OR2C1: variants seen among roughly 807,000 people sequenced by gnomAD.
The protein encoded by OR2C1 is olfactory receptor family 2 subfamily C member 1, also known as olfactory receptor 2C1.
For synonymous variants in OR2C1, 209 were observed against 167.3 expected, an observed-to-expected ratio of 1.25 and a Z score of -1.92; for missense variants, 468 against 388.3, an observed-to-expected ratio of 1.21 and a Z score of -1.73.
At chr16:3,350,213 G>A in the OR2C1 span, among the ~76,000 whole-genome samples, 2 of 150,940 alleles carry the variant, frequency 1.3e-5, no homozygotes, top group African/African-American at 4.9e-5. Flanking sequence ...CTGCCACCAC[G>A]CCCGGCTAAT....
the OR2C1 span, among the ~76,000 whole-genome samples, chr16:3,349,308 T>A: frequency 5.2e-4 from 79 of 152,302 alleles, no homozygotes; most frequent in African/African-American, 1.7e-3. Flanking sequence ...GGACAGCTTT[T>A]TCCTGTGTTC....
chr16:3,334,519 C>G, the OR2C1 span, among the ~76,000 whole-genome samples: 1 of 149,296 alleles, frequency 6.7e-6, no homozygotes, highest in African/African-American at 2.5e-5. Context: ...CTCAAGCAAT[C>G]TGCCCAACTC....
the OR2C1 span, among the ~76,000 whole-genome samples, chr16:3,341,593 A>G: frequency 1.3e-5 from 2 of 152,208 alleles, no homozygotes; most frequent in East Asian, 3.8e-4. Flanking sequence ...CTAAGATTCA[A>G]TCATTTTCTA....
At chr16:3,351,793 A>C (rs1262186645), upstream of OR2C1, among the ~76,000 whole-genome samples, 1 of 151,248 alleles carries the variant, frequency 6.6e-6, no homozygotes, top group East Asian at 1.9e-4. Context: ...CTTGAGAGCT[A>C]CTCCTGGGAT....
chr16:3,341,455 C>T, the OR2C1 span, among the ~76,000 whole-genome samples: 166 of 152,156 alleles, frequency 1.1e-3, 2 homozygotes, highest in African/African-American at 3.5e-3. Flanking sequence ...CCTAATTACC[C>T]TACATAAAAC....
chr16:3,347,770 A>G, the OR2C1 span, among the ~76,000 whole-genome samples: 6 of 151,918 alleles, frequency 3.9e-5, no homozygotes, highest in African/African-American at 1.5e-4. Context: ...ACATATGAAC[A>G]CACATGCACA....
the OR2C1 span, among the ~76,000 whole-genome samples, chr16:3,327,399 G>C: frequency 0.021 from 3,134 of 152,158 alleles, 46 homozygotes; most frequent in Middle Eastern, 0.068. Context: ...TTCCTACTCA[G>C]TGGAGGACCT....
upstream of OR2C1, among the ~76,000 whole-genome samples, chr16:3,353,904 T>A (rs1245386354): frequency 6.6e-6 from 1 of 152,106 alleles, no homozygotes; most frequent in Non-Finnish European, 1.5e-5. Flanking sequence ...GGATGGTGAT[T>A]GGCCCATTAT....
the OR2C1 span, among the ~76,000 whole-genome samples, chr16:3,328,581 A>C: frequency 1.3e-5 from 2 of 152,302 alleles, no homozygotes; most frequent in South Asian, 4.2e-4. Context: ...AGGACAATGT[A>C]AGCTTGGATA....
At chr16:3,344,729 A>T in the OR2C1 span, among the ~76,000 whole-genome samples, 4 of 5,282 alleles carry the variant, frequency 7.6e-4, no homozygotes, top group Non-Finnish European at 1.7e-3. Flanking sequence ...CTCTGTCTCA[A>T]AAAAAAAATT....
the OR2C1 span, among the ~76,000 whole-genome samples, chr16:3,337,886 G>C: frequency 6.6e-6 from 1 of 152,146 alleles, no homozygotes; most frequent in African/African-American, 2.4e-5. Context: ...GATTTTCATT[G>C]AATGTGTTTT....
upstream of OR2C1, among the ~76,000 whole-genome samples, chr16:3,351,220 C>CTT (rs779814781): frequency 0.016 from 302 of 18,494 alleles, 6 homozygotes; most frequent in African/African-American, 0.059. Context: ...TTTTCTTTTT[C>CTT]TTTTTCTTTT....
chr16:3,339,739 A>G, the OR2C1 span, among the ~76,000 whole-genome samples: 4 of 152,036 alleles, frequency 2.6e-5, no homozygotes, highest in East Asian at 5.8e-4. Flanking sequence ...TACAGGCATG[A>G]GCCACCGCAC....
chr16:3,339,512 A>T, the OR2C1 span, among the ~76,000 whole-genome samples: 1 of 152,112 alleles, frequency 6.6e-6, no homozygotes, highest in African/African-American at 2.4e-5. Context: ...GCTGGAGTGC[A>T]GTGGTGCAAT....
At chr16:3,353,146 C>G (rs987016733), upstream of OR2C1, among the ~76,000 whole-genome samples, 1 of 151,994 alleles carries the variant, frequency 6.6e-6, no homozygotes, top group African/African-American at 2.4e-5. Context: ...GAAAGATGAG[C>G]TGATTATCCG....
upstream of OR2C1, among the ~76,000 whole-genome samples, chr16:3,352,884 GA>G (rs1567285319): frequency 1.3e-5 from 2 of 151,736 alleles, no homozygotes; most frequent in African/African-American, 4.8e-5. Flanking sequence ...TGGGATTACA[GA>G]CATGTAGCAC....
At chr16:3,328,668 C>A in the OR2C1 span, among the ~76,000 whole-genome samples, 3 of 152,150 alleles carry the variant, frequency 2.0e-5, no homozygotes, top group Admixed American at 2.0e-4. Context: ...TGTGCTCACC[C>A]TCCCTCTCCT....
chr16:3,342,330 G>A, the OR2C1 span, among the ~76,000 whole-genome samples: 1 of 152,134 alleles, frequency 6.6e-6, no homozygotes, highest in Non-Finnish European at 1.5e-5. Flanking sequence ...CAATATTAAG[G>A]ATTTCTGTTC....
chr16:3,327,148 A>G, the OR2C1 span, among the ~76,000 whole-genome samples: 11 of 152,196 alleles, frequency 7.2e-5, no homozygotes, highest in Admixed American at 7.2e-4. Context: ...AAACATATAT[A>G]TAATTATAAA....
Sources: allele counts gnomAD v4.1 joint callset (sites outside exome capture counted in the v4.1 genomes callset), GRCh38; gene constraint gnomAD v4.1.1; transcripts MANE v1.5; gene names NCBI Gene and HGNC (gene_info 2026-07-23, HGNC 2026-07-21).